The following GPC6 variants were observed in gnomAD, a reference collection of about 807,000 sequenced individuals.
GPC6 encodes glypican-6.
A neutral mutation model predicts 55.2 loss-of-function variants in GPC6; 14 were observed. The ratio of observed to expected loss-of-function variants is 0.25; its 90% CI spans 0.17 to 0.40. The LOEUF is 0.40. Among genes scored for constraint, GPC6 ranks in the 10% least tolerant of loss-of-function variants. GPC6 has a pLI of 1.00. For synonymous variants in GPC6, 278 were observed against 259.6 expected (o/e 1.07, Z -0.68); for missense variants, 641 against 708.5 (o/e 0.90, Z 1.08).
intron 2 of GPC6, among the ~76,000 whole-genome samples, chr13:93,557,397 G>A (rs1024106024): frequency 6.6e-6 from 1 of 150,954 alleles, no homozygotes; most frequent in Non-Finnish European, 1.5e-5. Context: ...TATGATTGAT[G>A]TTAAAAAAAA....
chr13:93,962,166 C>T (rs1325146686), intron 3 of GPC6, among the ~76,000 whole-genome samples: 2 of 152,122 alleles, frequency 1.3e-5, no homozygotes, highest in Admixed American at 6.5e-5. Flanking sequence ...TATAAGTCCC[C>T]CACAACATGG....
At chr13:94,074,481 GATGCCTCTTCTCC>G (rs1884841127) in intron 4 of GPC6, among the ~76,000 whole-genome samples, 1 of 152,114 alleles carries the variant, frequency 6.6e-6, no homozygotes, top group Non-Finnish European at 1.5e-5. Context: ...TCCCCTTCAG[GATGCCTCTTCTCC>G]ATGTTGTACC....
intron 1 of GPC6, among the ~76,000 whole-genome samples, chr13:93,317,395 G>T (rs186316272): frequency 4.1e-4 from 62 of 152,172 alleles, no homozygotes; most frequent in African/African-American, 1.4e-3. Context: ...ATTAGTTGGA[G>T]ACCTCCCATG....
intron 4 of GPC6, among the ~76,000 whole-genome samples, chr13:94,036,346 A>G (rs1883331654): frequency 6.6e-6 from 1 of 152,104 alleles, no homozygotes; most frequent in Non-Finnish European, 1.5e-5. Context: ...ATAGATTTAA[A>G]TAATTTGCTA....
chr13:94,330,722 T>C (rs1877365653), intron 6 of GPC6, among the ~76,000 whole-genome samples: 1 of 152,170 alleles, frequency 6.6e-6, no homozygotes, highest in African/African-American at 2.4e-5. Context: ...ATGATAATAG[T>C]CAATATGCAA....
At chr13:93,295,965 C>T (rs575133343) in intron 1 of GPC6, among the ~76,000 whole-genome samples, 7 of 152,202 alleles carry the variant, frequency 4.6e-5, no homozygotes, top group East Asian at 1.9e-4. Context: ...GGATTACAGG[C>T]GTGAGCCACC....
At chr13:93,742,562 T>G (rs1226899121) in intron 2 of GPC6, among the ~76,000 whole-genome samples, 2 of 152,170 alleles carry the variant, frequency 1.3e-5, no homozygotes, top group Non-Finnish European at 2.9e-5. Flanking sequence ...GACAAGTGGT[T>G]TTGTATCTGA....
At chr13:93,529,818 T>G (rs917685022) in intron 1 of GPC6, among the ~76,000 whole-genome samples, 1 of 152,128 alleles carries the variant, frequency 6.6e-6, no homozygotes, top group Non-Finnish European at 1.5e-5. Context: ...CCTGGCTGTC[T>G]CTGAGATTCT....
chr13:93,778,990 A>G (rs572960081), intron 2 of GPC6, among the ~76,000 whole-genome samples: 1 of 152,266 alleles, frequency 6.6e-6, no homozygotes, highest in African/African-American at 2.4e-5. Context: ...TGGATTATTT[A>G]TTTGTTTGTT....
At chr13:94,163,760 C>T (rs1446562128) in intron 4 of GPC6, among the ~76,000 whole-genome samples, 6 of 152,168 alleles carry the variant, frequency 3.9e-5, no homozygotes, top group Non-Finnish European at 8.8e-5. Context: ...TGCAACTTCA[C>T]ACCGAGCCTT....
At chr13:93,401,568 C>A (rs1048778105) in intron 1 of GPC6, among the ~76,000 whole-genome samples, 1 of 150,980 alleles carries the variant, frequency 6.6e-6, no homozygotes, top group Non-Finnish European at 1.5e-5. Flanking sequence ...AGGATCTACT[C>A]TCTTACACAG....
At chr13:93,519,440 G>A (rs888519662) in intron 1 of GPC6, among the ~76,000 whole-genome samples, 2 of 151,874 alleles carry the variant, frequency 1.3e-5, no homozygotes, top group African/African-American at 4.8e-5. Flanking sequence ...CTAGTACAAG[G>A]CCAAGATAGA....
intron 4 of GPC6, among the ~76,000 whole-genome samples, chr13:94,160,121 A>G (rs889464935): frequency 1.1e-4 from 16 of 152,364 alleles, no homozygotes; most frequent in Non-Finnish European, 2.2e-4. Context: ...TTGAGAGAGC[A>G]AGACAGAAAT....
intron 2 of GPC6, among the ~76,000 whole-genome samples, chr13:93,634,581 G>A (rs1879614990): frequency 6.6e-6 from 1 of 152,100 alleles, no homozygotes; most frequent in South Asian, 2.1e-4. Context: ...TGTGGTTCCG[G>A]GATGTTTGAG....
chr13:94,180,211 A>C (rs1410295565), intron 4 of GPC6, among the ~76,000 whole-genome samples: 6 of 152,202 alleles, frequency 3.9e-5, no homozygotes, highest in Non-Finnish European at 8.8e-5. Flanking sequence ...TTACACAGAC[A>C]CATCCTATGA....
intron 2 of GPC6, among the ~76,000 whole-genome samples, chr13:93,784,892 T>C (rs1885774889): frequency 6.6e-6 from 1 of 152,166 alleles, no homozygotes; most frequent in African/African-American, 2.4e-5. Flanking sequence ...GCAGTGCTTC[T>C]TGGAGGATGT....
chr13:94,184,948 A>G (rs1032580348), intron 4 of GPC6, among the ~76,000 whole-genome samples: 7 of 152,230 alleles, frequency 4.6e-5, no homozygotes, highest in African/African-American at 1.4e-4. Flanking sequence ...ATACCATGAA[A>G]TATTATGCAA....
intron 3 of GPC6, among the ~76,000 whole-genome samples, chr13:93,938,147 C>T (rs1878535345): frequency 6.6e-6 from 1 of 152,054 alleles, no homozygotes; most frequent in Non-Finnish European, 1.5e-5. Context: ...ACTGTAATAC[C>T]TTTAAAAAAT....
In GPC6 at chr13:93,822,850, A is replaced by T. The variant is rs1264954125; in HGVS notation, c.320-7304A>T. On this transcript the variant is annotated intron_variant, in intron 2 of 8. Transcript: ENST00000377047. ...TTTCTTTATTATTATTATTATTATT[A>T]TTATTTTATTATTATTATTATTATT... Among the ~76,000 whole-genome samples the T allele has an allele frequency of 3.0e-3, 439 of 147,586 alleles. 2 individuals carry two copies. The highest frequency in any genetic ancestry group is 0.01 in the African/African-American group (413 of 40,224).
Sources: gnomAD v4.1 joint callset for allele counts (sites outside exome capture counted in the v4.1 genomes callset) on GRCh38, gnomAD v4.1.1 for gene constraint, MANE v1.5 for transcripts, NCBI Gene and HGNC (gene_info 2026-07-23, HGNC 2026-07-21) for gene names.